Variants in THSD7A observed in about 807,000 individuals in gnomAD.
THSD7A encodes the protein thrombospondin type-1 domain-containing protein 7A.
Under a neutral mutation model 231.3 loss-of-function variants are expected in THSD7A, and 96 were observed. That is an observed-to-expected ratio of 0.41 (90% CI 0.35 to 0.49). The LOEUF is 0.49. THSD7A is among the 20% of genes least tolerant of loss of function. The pLI, the probability that THSD7A is intolerant of heterozygous loss-of-function variation, is 0.05. For missense variants in THSD7A, 2,290 were observed against 2,070.2 expected (o/e 1.11, Z -2.06); for synonymous variants, 940 against 743.3 (o/e 1.26, Z -4.30).
At chr7:11,537,873 G>A (rs559059659) in intron 6 of THSD7A, among the ~76,000 whole-genome samples, 12 of 152,278 alleles carry the variant, frequency 7.9e-5, no homozygotes, top group African/African-American at 2.9e-4. Flanking sequence ...ATCTCCACAT[G>A]TGCTTAGACA....
At chr7:11,816,301 T>C (rs1421222248) in intron 1 of THSD7A, among the ~76,000 whole-genome samples, 1 of 152,176 alleles carries the variant, frequency 6.6e-6, no homozygotes, top group Non-Finnish European at 1.5e-5. Flanking sequence ...ATTCAGACTG[T>C]GAATGGAGTC....
intron 24 of THSD7A, among the ~76,000 whole-genome samples, chr7:11,381,800 G>T (rs2115300804): frequency 6.6e-6 from 1 of 152,238 alleles, no homozygotes; most frequent in South Asian, 2.1e-4. Flanking sequence ...TACCTATCTT[G>T]AGCCAAAGTC....
intron 6 of THSD7A, among the ~76,000 whole-genome samples, chr7:11,509,837 T>G (rs374596414): frequency 3.4e-5 from 2 of 58,818 alleles, no homozygotes; most frequent in Non-Finnish European, 8.2e-5. Context: ...AAAAAAAAAA[T>G]AACATCTGAA....
intron 1 of THSD7A, chr7:11,820,863 G>T: frequency 3.2e-6 from 3 of 929,078 alleles, no homozygotes; most frequent in Non-Finnish European, 5.2e-6. Context: ...TGTTTTCTCA[G>T]CTGACCTTTC....
chr7:11,721,654 AGCT>A (rs1781358154), intron 1 of THSD7A, among the ~76,000 whole-genome samples: 1 of 151,946 alleles, frequency 6.6e-6, no homozygotes, highest in South Asian at 2.1e-4. Context: ...TACTGATAGA[AGCT>A]GCTAACTCTT....
chr7:11,534,989 A>G lies in THSD7A; in HGVS notation c.1822+6430T>C, dbSNP rs1424905922. 2.6e-5 allele frequency among the ~76,000 whole-genome samples: 4 copies of G among 152,154 alleles called. No individual in the cohort carries two copies. In the East Asian group the frequency reaches 7.7e-4, roughly 29 times the overall value. On this transcript the variant is annotated intron_variant, in intron 6 of 27. Transcript: ENST00000423059. The stretch of plus-strand genomic sequence containing the variant: ...TGAGACCACATCTCTAAAAGGAAAT[A>G]AAGAGAAAATTGGTTGCTCTGTGTT...
intron 1 of THSD7A, among the ~76,000 whole-genome samples, chr7:11,794,599 A>C (rs1218102727): frequency 2.6e-5 from 4 of 151,936 alleles, no homozygotes; most frequent in Non-Finnish European, 5.9e-5. Flanking sequence ...CGGTATTGCT[A>C]AGGGGTCTGT....
chr7:11,795,273 A>G (rs1205562653), intron 1 of THSD7A, among the ~76,000 whole-genome samples: 4 of 151,992 alleles, frequency 2.6e-5, no homozygotes, highest in Non-Finnish European at 5.9e-5. Context: ...AAGCATGCAC[A>G]TAATTCTTGT....
intron 1 of THSD7A, among the ~76,000 whole-genome samples, chr7:11,726,536 C>G (rs12699256): frequency 0.32 from 45,684 of 143,478 alleles, 8,295 homozygotes; most frequent in Admixed American, 0.44. Flanking sequence ...CAGACAGATG[C>G]CCAGAATTGA....
intron 1 of THSD7A, among the ~76,000 whole-genome samples, chr7:11,747,939 T>A (rs1395138284): frequency 6.6e-6 from 1 of 151,962 alleles, no homozygotes; most frequent in East Asian, 1.9e-4. Flanking sequence ...AATTTTTGCA[T>A]GACAGAATGT....
chr7:11,389,151 C>G (rs1782878470), intron 23 of THSD7A, among the ~76,000 whole-genome samples: 1 of 152,050 alleles, frequency 6.6e-6, no homozygotes, highest in Non-Finnish European at 1.5e-5. Flanking sequence ...CAAGTCAAGT[C>G]CTGAATATCC....
At chr7:11,743,219 G>A (rs1317611247) in intron 1 of THSD7A, among the ~76,000 whole-genome samples, 1 of 151,738 alleles carries the variant, frequency 6.6e-6, no homozygotes, top group African/African-American at 2.4e-5. Context: ...ATTGACTTTT[G>A]TTATCTTTAC....
intron 2 of THSD7A, among the ~76,000 whole-genome samples, chr7:11,608,299 A>C (rs1025938732): frequency 6.6e-6 from 1 of 152,208 alleles, no homozygotes; most frequent in Admixed American, 6.6e-5. Context: ...TTAAACAAGA[A>C]GATTAGGAAA....
chr7:11,829,388 T>C (rs1469377341), intron 1 of THSD7A, among the ~76,000 whole-genome samples: 3 of 152,144 alleles, frequency 2.0e-5, no homozygotes, highest in Non-Finnish European at 4.4e-5. Flanking sequence ...ATCTATTTAA[T>C]GAGTATTACA....
At chr7:11,476,359 AC>A (rs139231612) in intron 7 of THSD7A, among the ~76,000 whole-genome samples, 1 of 147,600 alleles carries the variant, frequency 6.8e-6, no homozygotes, top group Non-Finnish European at 1.5e-5. Context: ...ACACACACAC[AC>A]ACCATTTTTT....
At position 11,370,925 on chromosome 7, in the gene THSD7A, A is replaced by C. The variant is rs1782028605; in HGVS notation, c.*4869T>G. ...ATAAACACAAACAGATTTCTGAAAAATAGGGAAAAGTTTACTTGAGGGTTA... is the reference window on the plus strand; with the variant it reads ...ATAAACACAAACAGATTTCTGAAAACTAGGGAAAAGTTTACTTGAGGGTTA... On this transcript the variant is annotated 3_prime_UTR_variant, in exon 28 of 28. Coordinates refer to ENST00000423059, the MANE Select transcript of THSD7A (RefSeq NM_015204.3). The C allele has an allele frequency of 6.6e-6, 1 of 152,162 alleles. No homozygotes were observed. The highest frequency in any genetic ancestry group is 1.5e-5 in the Non-Finnish European group (1 of 68,020). The allele number at this position is 152,162 out of a possible 1,614,324, so 9.4% of individuals were successfully genotyped here.
At chr7:11,425,601 A>G (rs1784291792) in intron 15 of THSD7A, among the ~76,000 whole-genome samples, 1 of 152,014 alleles carries the variant, frequency 6.6e-6, no homozygotes, top group Admixed American at 6.6e-5. Context: ...TCTTTTTTCA[A>G]TGAGAAGAAT....
At chr7:11,801,140 A>AT (rs199843336) in intron 1 of THSD7A, among the ~76,000 whole-genome samples, 4 of 151,308 alleles carry the variant, frequency 2.6e-5, no homozygotes, top group Admixed American at 6.6e-5. Context: ...TTTCAAAAAA[A>AT]ATTTTTTTTT....
At chr7:11,449,145 T>C (rs1035627336) in intron 11 of THSD7A, among the ~76,000 whole-genome samples, 1 of 152,094 alleles carries the variant, frequency 6.6e-6, no homozygotes, top group Non-Finnish European at 1.5e-5. Context: ...AATGCTCTGA[T>C]TTCCCTGGTT....
Sources: allele counts gnomAD v4.1 joint callset (sites outside exome capture counted in the v4.1 genomes callset), GRCh38; gene constraint gnomAD v4.1.1; transcripts MANE v1.5; gene names NCBI Gene and HGNC (gene_info 2026-07-23, HGNC 2026-07-21).